The following DNAH11 variants were observed in gnomAD, a reference collection of about 807,000 sequenced individuals.
The protein encoded by DNAH11 is dynein axonemal heavy chain 11.
DNAH11 carries 442 observed loss-of-function variants against 526.0 expected under a neutral mutation model. The ratio of observed to expected loss-of-function variants is 0.84; its 90% confidence interval spans 0.78 to 0.91. DNAH11 has a LOEUF of 0.91. Among genes scored for constraint, DNAH11 ranks in the 40% least tolerant of loss-of-function variants. DNAH11 has a pLI of 0.00. For missense variants in DNAH11, 6,989 were observed against 5,448.7 expected (o/e 1.28, Z -8.90); for synonymous variants, 2,461 against 1,935.9 (o/e 1.27, Z -7.12).
At chr7:21,789,808 T>TTTCTTTCTTTCTTTCTTTCTTTCTTTC (rs1788373540) in intron 61 of DNAH11, among the ~76,000 whole-genome samples, 1 of 34,084 alleles carries the variant, frequency 2.9e-5, no homozygotes, top group Non-Finnish European at 7.4e-5. Context: ...TTTCTTTCTT[T>TTTCTTTCTTTCTTTCTTTCTTTCTTTC]TTTCTTTCTT....
intron 44 of DNAH11, among the ~76,000 whole-genome samples, chr7:21,724,897 C>A (rs556320567): frequency 6.6e-6 from 1 of 150,906 alleles, no homozygotes; most frequent in Non-Finnish European, 1.5e-5. Context: ...GCCAGATTAT[C>A]CTATGGATAT....
intron 28 of DNAH11, among the ~76,000 whole-genome samples, chr7:21,649,132 A>G (rs1402367643): frequency 6.6e-6 from 1 of 152,250 alleles, no homozygotes; most frequent in Non-Finnish European, 1.5e-5. Flanking sequence ...GGCTAAAATT[A>G]AAACTCACTA....
At position 21,869,059 on chromosome 7, in the gene DNAH11, G is replaced by A. The variant is rs568665719; in HGVS notation, c.11967+68G>A. 47 of 1,597,088 alleles carry A rather than the reference G, an allele frequency of 2.9e-5. 1 individual carries two copies. The Admixed American group carries it at 4.7e-4, about 16-fold the overall frequency. Reference sequence around the variant, plus strand: ...AGGAGGGCCAGGGCAGAGCTGGCCCGCCCAACAGAATGCTCCCTTAACACC... The same window carrying A: ...AGGAGGGCCAGGGCAGAGCTGGCCCACCCAACAGAATGCTCCCTTAACACC... On this transcript the variant is annotated intron_variant, in intron 73 of 81. Coordinates refer to ENST00000409508, the MANE Select transcript of DNAH11 (RefSeq NM_001277115.2).
chr7:21,584,427 A>G (rs117964722), intron 9 of DNAH11, among the ~76,000 whole-genome samples: 6,130 of 152,104 alleles, frequency 0.04, 134 homozygotes, highest in South Asian at 0.061. Flanking sequence ...AGGGGATGTC[A>G]GGGAGTGGGG....
At chr7:21,899,296 A>G (rs751903010) in intron 79 of DNAH11, 40 bp from the exon 80 acceptor site, 2 of 1,534,374 alleles carry the variant, frequency 1.3e-6, no homozygotes, top group Non-Finnish European at 1.8e-6. Context: ...TGGCTATTTT[A>G]CTGAACAGCA....
intron 6 of DNAH11, among the ~76,000 whole-genome samples, chr7:21,569,386 T>C (rs557072702): frequency 1.3e-5 from 2 of 152,306 alleles, no homozygotes; most frequent in East Asian, 3.9e-4. Context: ...TCTGAATGTT[T>C]ATACCAAATA....
At chr7:21,721,588 C>T (rs931110267) in intron 44 of DNAH11, among the ~76,000 whole-genome samples, 1 of 152,222 alleles carries the variant, frequency 6.6e-6, no homozygotes, top group African/African-American at 2.4e-5. Context: ...CACTTTCCCG[C>T]TGTGTCCCCA....
intron 81 of DNAH11, among the ~76,000 whole-genome samples, chr7:21,900,519 G>T (rs76148146): frequency 1.7e-5 from 2 of 115,902 alleles, no homozygotes; most frequent in South Asian, 6.3e-4. Flanking sequence ...ATGCTACTGC[G>T]TAGGGTGAAT....
intron 30 of DNAH11, among the ~76,000 whole-genome samples, chr7:21,680,145 C>T (rs908689344): frequency 2.0e-5 from 3 of 152,288 alleles, no homozygotes; most frequent in East Asian, 1.9e-4. Context: ...AGCCTCCAGC[C>T]GCACGGCAAT....
intron 65 of DNAH11, among the ~76,000 whole-genome samples, chr7:21,823,204 T>C (rs1339809831): frequency 6.6e-6 from 1 of 152,102 alleles, no homozygotes; most frequent in Non-Finnish European, 1.5e-5. Flanking sequence ...TAACAAGCTT[T>C]TTCAAATAAA....
At chr7:21,636,157 G>C (rs1484470516) in intron 26 of DNAH11, 62 bp downstream of exon 26, 1 of 1,373,544 alleles carries the variant, frequency 7.3e-7, no homozygotes, top group Non-Finnish European at 9.9e-7. Flanking sequence ...ATGGTTTTGA[G>C]CATCGTATTT....
At chr7:21,895,879 G>A (rs372704487) in intron 79 of DNAH11, among the ~76,000 whole-genome samples, 5 of 152,074 alleles carry the variant, frequency 3.3e-5, no homozygotes, top group South Asian at 4.1e-4. Context: ...ACAGGCGCCC[G>A]CCACCACATC....
chr7:21,598,836 G>A (rs1176158267), intron 14 of DNAH11, among the ~76,000 whole-genome samples: 1 of 152,140 alleles, frequency 6.6e-6, no homozygotes, highest in South Asian at 2.1e-4. Flanking sequence ...AGAAAATGCA[G>A]TATTTGGTTT....
In DNAH11 at chr7:21,601,083, AGGTGGACATGAAGCCTTTCAAAGTGAGC is replaced by A; in HGVS notation, c.3330_3357del (p.Lys1110AsnfsTer3). Reference sequence around the variant, plus strand: ...TTTAGAGTGTTTGATAGTTGGTTCAAGGTGGACATGAAGCCTTTCAAAGTGAGCTTGTTAACCATAATTAAGAAATGGA... The same window carrying A: ...TTTAGAGTGTTTGATAGTTGGTTCAATTGTTAACCATAATTAAGAAATGGA... On this transcript the variant is annotated frameshift_variant, in exon 17 of 82. Coordinates refer to ENST00000409508, the MANE Select transcript of DNAH11 (RefSeq NM_001277115.2). LOFTEE classifies it high-confidence loss of function. 1 of 1,611,768 alleles carries A rather than the reference AGGTGGACATGAAGCCTTTCAAAGTGAGC, an allele frequency of 6.2e-7. No homozygotes were observed. The highest frequency in any genetic ancestry group is 1.1e-5 in the South Asian group (1 of 90,030).
At chr7:21,552,344 C>G (rs1783053913) in intron 2 of DNAH11, among the ~76,000 whole-genome samples, 1 of 152,144 alleles carries the variant, frequency 6.6e-6, no homozygotes, top group African/African-American at 2.4e-5. Flanking sequence ...CATACAGTAG[C>G]CAGTTAAACC....
intron 47 of DNAH11, among the ~76,000 whole-genome samples, chr7:21,739,342 C>A (rs1035547460): frequency 6.6e-6 from 1 of 152,168 alleles, no homozygotes; most frequent in Admixed American, 6.5e-5. Flanking sequence ...TAATAGTTTA[C>A]ATTGACGCAG....
chr7:21,601,712 A>G (rs1785100010), intron 18 of DNAH11, 94 bp downstream of exon 18: 1 of 913,446 alleles, frequency 1.1e-6, no homozygotes, highest in Non-Finnish European at 1.6e-6. Context: ...TGTCCTTATA[A>G]CAATCTATAC....
intron 77 of DNAH11, among the ~76,000 whole-genome samples, chr7:21,894,148 C>CA (rs1455995278): frequency 6.6e-6 from 1 of 152,184 alleles, no homozygotes; most frequent in African/African-American, 2.4e-5. Flanking sequence ...CCTGGCCTCC[C>CA]AAAGTGCTGG....
chr7:21,821,495 G>A (rs1418043157), intron 65 of DNAH11, among the ~76,000 whole-genome samples: 1 of 152,064 alleles, frequency 6.6e-6, no homozygotes, highest in Non-Finnish European at 1.5e-5. Flanking sequence ...ATTAATTAAC[G>A]TCCTCTTGCA....
Sources: gnomAD v4.1 joint callset for allele counts (sites outside exome capture counted in the v4.1 genomes callset) on GRCh38, gnomAD v4.1.1 for gene constraint, MANE v1.5 for transcripts, NCBI Gene and HGNC (gene_info 2026-07-23, HGNC 2026-07-21) for gene names.